Variants in PAWR observed in about 807,000 individuals in gnomAD.
PAWR encodes pro-apoptotic WT1 regulator.
Under a neutral mutation model 32.0 loss-of-function variants are expected in PAWR, and 23 were observed. The observed-to-expected ratio is 0.72, with a 90% CI of 0.52 to 1.02. The LOEUF (loss-of-function observed/expected upper bound fraction) is 1.02, where lower values mean the gene tolerates loss of function less well. Among genes scored for constraint, PAWR ranks in the 50% least tolerant of loss-of-function variants. The pLI, the probability that PAWR is intolerant of heterozygous loss-of-function variation, is 0.00. For synonymous variants in PAWR, 226 were observed against 187.1 expected, an observed-to-expected ratio of 1.21 and a Z score of -1.70; for missense variants, 457 against 437.7, an observed-to-expected ratio of 1.04 and a Z score of -0.39.
At chr12:79,614,458 A>G (rs1310557023) in intron 3 of PAWR, among the ~76,000 whole-genome samples, 1 of 152,098 alleles carries the variant, frequency 6.6e-6, no homozygotes, top group Non-Finnish European at 1.5e-5. Flanking sequence ...ACATTTTAAT[A>G]TTGTGCTGAT....
chr12:79,640,343 T>C (rs1876261114), intron 2 of PAWR, among the ~76,000 whole-genome samples: 1 of 152,194 alleles, frequency 6.6e-6, no homozygotes, highest in African/African-American at 2.4e-5. Context: ...CAGTCCTATT[T>C]GCTGTAACTT....
At chr12:79,611,081 G>A (rs1393218145) in intron 4 of PAWR, among the ~76,000 whole-genome samples, 1 of 148,788 alleles carries the variant, frequency 6.7e-6, no homozygotes, top group Non-Finnish European at 1.5e-5. Flanking sequence ...ACATTCAAAT[G>A]AATCTTCTGG....
chr12:79,618,313 G>A (rs1219585306), intron 3 of PAWR, among the ~76,000 whole-genome samples: 1 of 152,020 alleles, frequency 6.6e-6, no homozygotes, highest in Middle Eastern at 3.2e-3. Flanking sequence ...ATTTTTAGAA[G>A]AGATGGGGTT....
intron 2 of PAWR, among the ~76,000 whole-genome samples, chr12:79,685,091 T>C (rs1878620989): frequency 3.3e-5 from 5 of 152,220 alleles, no homozygotes; most frequent in Admixed American, 1.3e-4. Flanking sequence ...TTTAATTATG[T>C]AATTATTATT....
In PAWR at chr12:79,630,634, T is replaced by C. The variant is rs144426231; in HGVS notation, c.517-9427A>G. ...AGTAAATTTGGTAACTTTGATAAAA[T>C]TGACAAATTCCGTGAAAGACTGAAG... is the stretch of plus-strand genomic sequence containing the variant. On this transcript the variant is annotated intron_variant, in intron 2 of 6. Transcript: ENST00000328827. 3.8e-3 allele frequency among the ~76,000 whole-genome samples: 577 copies of C among 152,004 alleles called. 2 individuals are homozygous for C. The highest frequency in any genetic ancestry group is 0.011 in the African/African-American group (438 of 41,460).
intron 2 of PAWR, among the ~76,000 whole-genome samples, chr12:79,634,798 T>C (rs1875882052): frequency 6.6e-6 from 1 of 151,982 alleles, no homozygotes; most frequent in South Asian, 2.1e-4. Flanking sequence ...TGACTATGGG[T>C]TGATGATTAT....
intron 2 of PAWR, among the ~76,000 whole-genome samples, chr12:79,664,577 T>G (rs1877509067): frequency 6.6e-6 from 1 of 150,846 alleles, no homozygotes; most frequent in South Asian, 2.1e-4. Context: ...TTTTAGAAAG[T>G]CAATGTTTCA....
At chr12:79,664,974 C>G (rs1362615875) in intron 2 of PAWR, among the ~76,000 whole-genome samples, 4 of 152,208 alleles carry the variant, frequency 2.6e-5, no homozygotes, top group African/African-American at 9.6e-5. Context: ...GAAGGAGGAG[C>G]AGCAATTCAC....
intron 2 of PAWR, among the ~76,000 whole-genome samples, chr12:79,667,269 A>T (rs1877655009): frequency 6.6e-6 from 1 of 152,236 alleles, no homozygotes; most frequent in African/African-American, 2.4e-5. Flanking sequence ...GCTGACATAG[A>T]AAAAGAACTG....
At chr12:79,675,003 T>C (rs1215936679) in intron 2 of PAWR, among the ~76,000 whole-genome samples, 5 of 152,070 alleles carry the variant, frequency 3.3e-5, no homozygotes, top group Admixed American at 2.6e-4. Context: ...AGTTTGGAGA[T>C]TTCTCAATGA....
intron 2 of PAWR, among the ~76,000 whole-genome samples, chr12:79,626,522 G>A (rs1037246883): frequency 2.0e-5 from 3 of 151,368 alleles, no homozygotes; most frequent in South Asian, 2.1e-4. Context: ...GCCTCCCAAA[G>A]TGCTGGGATT....
chr12:79,635,183 G>A (rs1322417014), intron 2 of PAWR, among the ~76,000 whole-genome samples: 1 of 152,062 alleles, frequency 6.6e-6, no homozygotes, highest in Non-Finnish European at 1.5e-5. Context: ...AAGACTCCCT[G>A]TGGTGTCTCA....
At chr12:79,624,121 A>T (rs1875163900) in intron 2 of PAWR, among the ~76,000 whole-genome samples, 2 of 152,200 alleles carry the variant, frequency 1.3e-5, no homozygotes, top group Non-Finnish European at 2.9e-5. Flanking sequence ...CTCCAACATC[A>T]TTAGCTTAAA....
At chr12:79,686,653 T>G (rs1878692712) in intron 2 of PAWR, among the ~76,000 whole-genome samples, 1 of 152,162 alleles carries the variant, frequency 6.6e-6, no homozygotes. Context: ...TGTCGGTACT[T>G]AATATACTAT....
At chr12:79,627,620 T>C (rs1022470415) in intron 2 of PAWR, among the ~76,000 whole-genome samples, 8 of 152,178 alleles carry the variant, frequency 5.3e-5, no homozygotes, top group African/African-American at 1.9e-4. Context: ...CAATTTTGGC[T>C]TTTGTTGCCA....
At chr12:79,596,884 C>T (rs375038991) in intron 4 of PAWR, 19 of 437,558 alleles carry the variant, frequency 4.3e-5, no homozygotes, top group African/African-American at 1.6e-4. Context: ...TGTTAAGTAA[C>T]GAACACTGTT....
chr12:79,610,215 G>C (rs1156858330), intron 4 of PAWR, among the ~76,000 whole-genome samples: 1 of 152,222 alleles, frequency 6.6e-6, no homozygotes, highest in Non-Finnish European at 1.5e-5. Context: ...TGTTTGCCAG[G>C]AATGCCTGAG....
At chr12:79,638,822 T>TG in intron 2 of PAWR, among the ~76,000 whole-genome samples, 1 of 120,564 alleles carries the variant, frequency 8.3e-6, no homozygotes, top group Non-Finnish European at 1.7e-5. Flanking sequence ...TGTGTGTGTA[T>TG]TATATATAAA....
At chr12:79,652,574 T>C (rs1034667788) in intron 2 of PAWR, among the ~76,000 whole-genome samples, 5 of 152,186 alleles carry the variant, frequency 3.3e-5, no homozygotes, top group African/African-American at 1.2e-4. Flanking sequence ...CAAAACATGA[T>C]CAAAATATGG....
Sources: gnomAD v4.1 joint callset for allele counts (sites outside exome capture counted in the v4.1 genomes callset) on GRCh38, gnomAD v4.1.1 for gene constraint, MANE v1.5 for transcripts, NCBI Gene and HGNC (gene_info 2026-07-23, HGNC 2026-07-21) for gene names.